The following SLC67A2 variants were observed in gnomAD, a reference collection of about 807,000 sequenced individuals.
SLC67A2 encodes the protein solute carrier family 67 member A2.
chr2:102,736,798 C>T, the SLC67A2 span: 7 of 1,610,370 alleles, frequency 4.3e-6, no homozygotes, highest in Non-Finnish European at 5.9e-6. Flanking sequence ...TCCCAGTGAC[C>T]CCCAAGCTCC....
At chr2:102,720,924 C>T in the SLC67A2 span, among the ~76,000 whole-genome samples, 1 of 152,212 alleles carries the variant, frequency 6.6e-6, no homozygotes, top group Admixed American at 6.5e-5. Context: ...GATATGTTCA[C>T]TGCACTGAAT....
At chr2:102,732,956 A>G in the SLC67A2 span, among the ~76,000 whole-genome samples, 1 of 152,192 alleles carries the variant, frequency 6.6e-6, no homozygotes, top group Non-Finnish European at 1.5e-5. Flanking sequence ...CACCTCCATC[A>G]CTTACTAAAC....
chr2:102,721,040 T>C, the SLC67A2 span, among the ~76,000 whole-genome samples: 2 of 152,198 alleles, frequency 1.3e-5, no homozygotes, highest in Non-Finnish European at 2.9e-5. Context: ...AAGTTTCTTA[T>C]GTTGGAAAAA....
the SLC67A2 span, chr2:102,736,506 C>T: frequency 6.4e-7 from 1 of 1,565,862 alleles, no homozygotes. Context: ...AAGAGGAGAG[C>T]TTGATAGGTA....
the SLC67A2 span, among the ~76,000 whole-genome samples, chr2:102,724,944 T>C: frequency 6.6e-6 from 1 of 152,216 alleles, no homozygotes; most frequent in Admixed American, 6.5e-5. Context: ...CAGAGAGGAC[T>C]GGGCCAGAAC....
At chr2:102,724,874 G>A in the SLC67A2 span, among the ~76,000 whole-genome samples, 1 of 152,224 alleles carries the variant, frequency 6.6e-6, no homozygotes, top group Non-Finnish European at 1.5e-5. Context: ...GAAAGCAAAT[G>A]TATAAATCTC....
chr2:102,733,767 C>T, the SLC67A2 span, among the ~76,000 whole-genome samples: 1 of 151,540 alleles, frequency 6.6e-6, no homozygotes, highest in African/African-American at 2.4e-5. Flanking sequence ...AAAAAAAAGT[C>T]CCAGTACAAC....
the SLC67A2 span, chr2:102,718,691 G>T: frequency 1.3e-5 from 21 of 1,613,922 alleles, no homozygotes; most frequent in African/African-American, 1.6e-4. Flanking sequence ...AGTGGAGAAG[G>T]ACAGGAGAGT....
the SLC67A2 span, chr2:102,723,854 T>C: frequency 1.2e-6 from 2 of 1,614,202 alleles, no homozygotes; most frequent in Non-Finnish European, 1.7e-6. Context: ...GTTCCTTCTC[T>C]GGAACCACAT....
chr2:102,732,903 G>C, the SLC67A2 span, among the ~76,000 whole-genome samples: 1 of 152,332 alleles, frequency 6.6e-6, no homozygotes, highest in South Asian at 2.1e-4. Context: ...CTAAGTCATA[G>C]AAAGTGAATG....
chr2:102,731,752 A>T, the SLC67A2 span, among the ~76,000 whole-genome samples: 2 of 152,240 alleles, frequency 1.3e-5, no homozygotes, highest in African/African-American at 4.8e-5. Context: ...TGTTAGTCTC[A>T]ACAATTTCCC....
the SLC67A2 span, among the ~76,000 whole-genome samples, chr2:102,729,895 G>A: frequency 6.6e-6 from 1 of 152,138 alleles, no homozygotes. Context: ...ATTTATTATG[G>A]AATCTGACTG....
the SLC67A2 span, chr2:102,726,878 C>T: frequency 1.2e-6 from 2 of 1,604,628 alleles, no homozygotes; most frequent in East Asian, 2.3e-5. Context: ...AACAGAAACA[C>T]ATTGGTGGCT....
chr2:102,718,779 G>A, the SLC67A2 span: 1 of 1,613,700 alleles, frequency 6.2e-7, no homozygotes, highest in African/African-American at 1.3e-5. Context: ...ATGCTGGAAT[G>A]CAGCAGCAGT....
chr2:102,730,689 C>A, the SLC67A2 span, among the ~76,000 whole-genome samples: 1 of 151,974 alleles, frequency 6.6e-6, no homozygotes, highest in Non-Finnish European at 1.5e-5. Flanking sequence ...ACTACAGGTG[C>A]CTGCCACCAT....
chr2:102,731,809 A>G, the SLC67A2 span, among the ~76,000 whole-genome samples: 2 of 152,218 alleles, frequency 1.3e-5, no homozygotes, highest in Admixed American at 6.5e-5. Flanking sequence ...CCTTTTTGGT[A>G]AATCAATGAC....
the SLC67A2 span, chr2:102,719,068 G>C: frequency 5.6e-6 from 9 of 1,614,102 alleles, no homozygotes; most frequent in Non-Finnish European, 5.1e-6. Context: ...TCTTCTTGCT[G>C]GCCCTGGCTC....
At chr2:102,730,882 T>C in the SLC67A2 span, 2 of 755,682 alleles carry the variant, frequency 2.6e-6, no homozygotes, top group Non-Finnish European at 2.2e-6. Context: ...TACATTCTTT[T>C]TGTCTGTAAA....
chr2:102,720,708 G>C, the SLC67A2 span, among the ~76,000 whole-genome samples: 1 of 152,190 alleles, frequency 6.6e-6, no homozygotes, highest in Non-Finnish European at 1.5e-5. Context: ...AACTGGCAAA[G>C]CAGGGATTTG....
Sources: allele counts gnomAD v4.1 joint callset (sites outside exome capture counted in the v4.1 genomes callset), GRCh38; gene constraint gnomAD v4.1.1; transcripts MANE v1.5; gene names NCBI Gene and HGNC (gene_info 2026-07-23, HGNC 2026-07-21).